Variants in ARHGAP24 observed in about 807,000 individuals in gnomAD.
The protein encoded by ARHGAP24 is Rho GTPase activating protein 24.
In ARHGAP24, 50 loss-of-function variants were observed where a neutral mutation model predicts 76.4. That is an observed-to-expected ratio of 0.65 (90% CI 0.52 to 0.83). The LOEUF (loss-of-function observed/expected upper bound fraction) is 0.83, where lower values mean the gene tolerates loss of function less well. ARHGAP24 is among the 40% of genes least tolerant of loss of function. The pLI, the probability that ARHGAP24 is intolerant of heterozygous loss-of-function variation, is 0.00. For missense variants in ARHGAP24, 930 were observed against 914.2 expected, an observed-to-expected ratio of 1.02 and a Z score of -0.22; for synonymous variants, 345 against 323.3, an observed-to-expected ratio of 1.07 and a Z score of -0.72.
intron 2 of ARHGAP24, among the ~76,000 whole-genome samples, chr4:85,695,137 A>G (rs553635634): frequency 7.2e-5 from 11 of 152,362 alleles, no homozygotes; most frequent in African/African-American, 2.6e-4. Context: ...AATGTTGTAT[A>G]TGCGTATTTT....
intron 5 of ARHGAP24, among the ~76,000 whole-genome samples, chr4:85,964,822 T>C (rs956787871): frequency 6.6e-6 from 1 of 152,160 alleles, no homozygotes; most frequent in Non-Finnish European, 1.5e-5. Context: ...TTGTTTATTA[T>C]TGAGTATCTT....
intron 3 of ARHGAP24, among the ~76,000 whole-genome samples, chr4:85,739,111 T>C (rs529692205): frequency 6.6e-6 from 1 of 152,190 alleles, no homozygotes; most frequent in Non-Finnish European, 1.5e-5. Context: ...CTGATTTTCT[T>C]GCCATGGCCT....
intron 3 of ARHGAP24, among the ~76,000 whole-genome samples, chr4:85,921,214 AG>A (rs1174934737): frequency 6.6e-6 from 1 of 152,188 alleles, no homozygotes; most frequent in Non-Finnish European, 1.5e-5. Context: ...AAAAAGAACA[AG>A]ATCATGTTCT....
intron 3 of ARHGAP24, among the ~76,000 whole-genome samples, chr4:85,896,163 A>G (rs1455457184): frequency 6.6e-6 from 1 of 152,226 alleles, no homozygotes. Context: ...CTCAATTTCT[A>G]TGTTTTAATG....
At chr4:85,488,139 A>G (rs1723215753) in intron 1 of ARHGAP24, among the ~76,000 whole-genome samples, 1 of 151,500 alleles carries the variant, frequency 6.6e-6, no homozygotes, top group Non-Finnish European at 1.5e-5. Context: ...TGGGTATGAA[A>G]GGTGTTGTAT....
chr4:85,943,514 G>A (rs914729906), intron 5 of ARHGAP24, among the ~76,000 whole-genome samples: 2 of 152,006 alleles, frequency 1.3e-5, no homozygotes, highest in Non-Finnish European at 2.9e-5. Flanking sequence ...GAACGTGCAG[G>A]TTTGTTACAT....
At chr4:85,909,081 A>C (rs1008668179) in intron 3 of ARHGAP24, among the ~76,000 whole-genome samples, 1 of 152,190 alleles carries the variant, frequency 6.6e-6, no homozygotes, top group Admixed American at 6.5e-5. Flanking sequence ...TTAACTGACT[A>C]TACTTCCAGG....
intron 3 of ARHGAP24, among the ~76,000 whole-genome samples, chr4:85,740,224 G>T (rs1471806050): frequency 3.7e-4 from 54 of 144,550 alleles, no homozygotes; most frequent in East Asian, 8.1e-4. Flanking sequence ...TGTTGTTGGG[G>T]TTTTTTTTTT....
At chr4:85,638,306 T>C (rs1295951130) in intron 2 of ARHGAP24, among the ~76,000 whole-genome samples, 1 of 152,178 alleles carries the variant, frequency 6.6e-6, no homozygotes, top group Admixed American at 6.6e-5. Flanking sequence ...CTGAGTAAGA[T>C]TCTACCTGAC....
chr4:85,759,885 A>T (rs765517947), intron 3 of ARHGAP24, among the ~76,000 whole-genome samples: 1 of 152,204 alleles, frequency 6.6e-6, no homozygotes, highest in African/African-American at 2.4e-5. Flanking sequence ...GTGAACAAAG[A>T]CAATTCATCT....
At chr4:85,514,500 A>C (rs966083570) in intron 1 of ARHGAP24, among the ~76,000 whole-genome samples, 1 of 152,100 alleles carries the variant, frequency 6.6e-6, no homozygotes, top group African/African-American at 2.4e-5. Context: ...TGTATATTTA[A>C]TAAATAATCA....
intron 3 of ARHGAP24, among the ~76,000 whole-genome samples, chr4:85,834,527 T>A (rs1730163773): frequency 6.6e-6 from 1 of 152,200 alleles, no homozygotes; most frequent in Non-Finnish European, 1.5e-5. Context: ...TTCTATTGAT[T>A]ACCCAGTGTA....
At chr4:85,552,529 A>G (rs1414640111) in intron 1 of ARHGAP24, among the ~76,000 whole-genome samples, 1 of 152,098 alleles carries the variant, frequency 6.6e-6, no homozygotes, top group African/African-American at 2.4e-5. Flanking sequence ...TAGATTTGTT[A>G]GGTCCATTTG....
At chr4:85,516,845 G>A (rs1333859189) in intron 1 of ARHGAP24, among the ~76,000 whole-genome samples, 1 of 151,968 alleles carries the variant, frequency 6.6e-6, no homozygotes, top group Non-Finnish European at 1.5e-5. Flanking sequence ...TGGATTATAA[G>A]TCATAGCTGT....
chr4:85,798,165 G>T (rs749348358), intron 3 of ARHGAP24, among the ~76,000 whole-genome samples: 1 of 152,122 alleles, frequency 6.6e-6, no homozygotes, highest in Non-Finnish European at 1.5e-5. Flanking sequence ...ATGATGAGGG[G>T]CCCCATCTAC....
intron 3 of ARHGAP24, among the ~76,000 whole-genome samples, chr4:85,772,364 G>A (rs919760105): frequency 6.6e-6 from 1 of 151,972 alleles, no homozygotes; most frequent in Admixed American, 6.6e-5. Context: ...ATCCACAGGG[G>A]GTATAAAATA....
At chr4:85,957,736 C>T (rs534088992) in intron 5 of ARHGAP24, among the ~76,000 whole-genome samples, 2 of 152,250 alleles carry the variant, frequency 1.3e-5, no homozygotes, top group East Asian at 3.9e-4. Flanking sequence ...TTCCATGAAA[C>T]TGCTTTATAA....
intron 2 of ARHGAP24, among the ~76,000 whole-genome samples, chr4:85,714,654 C>T (rs1724668100): frequency 6.6e-6 from 1 of 151,992 alleles, no homozygotes; most frequent in Non-Finnish European, 1.5e-5. Flanking sequence ...TAGTATGCTA[C>T]AGTTTTCTAT....
intron 4 of ARHGAP24, among the ~76,000 whole-genome samples, chr4:85,927,736 G>A (rs777654234): frequency 6.6e-6 from 1 of 152,140 alleles, no homozygotes; most frequent in Non-Finnish European, 1.5e-5. Context: ...TACAAAGAGG[G>A]CATTTCATTG....
Sources: gnomAD v4.1 joint callset for allele counts (sites outside exome capture counted in the v4.1 genomes callset) on GRCh38, gnomAD v4.1.1 for gene constraint, MANE v1.5 for transcripts, NCBI Gene and HGNC (gene_info 2026-07-23, HGNC 2026-07-21) for gene names.